The following GLRB variants were observed in gnomAD, a reference collection of about 807,000 sequenced individuals.
The protein encoded by GLRB is glycine receptor beta, also known as glycine receptor subunit beta.
GLRB carries 33 observed loss-of-function variants against 54.2 expected under a neutral mutation model. The ratio of observed to expected loss-of-function variants is 0.61; its 90% CI spans 0.46 to 0.81. The LOEUF (loss-of-function observed/expected upper bound fraction) is 0.81, where lower values mean the gene tolerates loss of function less well. Ranked by LOEUF, GLRB falls within the 40% of genes least tolerant of loss-of-function variation. GLRB has a pLI of 0.00. For synonymous variants in GLRB, 209 were observed against 208.2 expected, an observed-to-expected ratio of 1.00 and a Z score of -0.03; for missense variants, 572 against 584.6, an observed-to-expected ratio of 0.98 and a Z score of 0.22.
intron 7 of GLRB, among the ~76,000 whole-genome samples, chr4:157,143,158 C>G (rs1484423434): frequency 6.6e-6 from 1 of 151,986 alleles, no homozygotes; most frequent in Non-Finnish European, 1.5e-5. Flanking sequence ...AGTTGGAGTA[C>G]CTTTGAGAGC....
At chr4:157,083,977 T>C (rs946245972) in intron 2 of GLRB, among the ~76,000 whole-genome samples, 1 of 152,126 alleles carries the variant, frequency 6.6e-6, no homozygotes, top group Non-Finnish European at 1.5e-5. Flanking sequence ...ATCTAATAAA[T>C]GCCTGCCATA....
At position 157,170,484 on chromosome 4, in the gene GLRB, C is replaced by G. The variant is rs749146557; in HGVS notation, c.1250C>G (p.Ser417Cys). 6.2e-7 allele frequency: 1 copy of G among 1,608,480 alleles called. No homozygotes were observed. Among genetic ancestry groups the G allele is most frequent in the South Asian group, 1.1e-5 (1 of 90,918 alleles). Reference protein sequence around the residue: ...KVCTSKSDLRSNDFSIVGSLP... With the variant: ...KVCTSKSDLRCNDFSIVGSLP... ...TGTACTTCTAAGTCTGATCTGAGATCTAATGACTTCAGCATTGTTGGAAGC... is the reference window on the plus strand; with the variant it reads ...TGTACTTCTAAGTCTGATCTGAGATGTAATGACTTCAGCATTGTTGGAAGC... The change falls in exon 10 of 10, where the codon TCT becomes TGT. Residue 417 changes from serine to cysteine, a missense_variant. Physicochemically the swap from Ser to Cys is moderately radical, Grantham distance 112. Coordinates refer to ENST00000264428, the MANE Select transcript of GLRB (RefSeq NM_000824.5).
Position 157,136,474 on chromosome 4 carries a change from T to C in GLRB, c.303T>C (p.Tyr101=). 1 of 1,578,206 alleles carries C rather than the reference T, an allele frequency of 6.3e-7. No individual in the cohort carries two copies. The highest frequency in any genetic ancestry group is 1.1e-5 in the South Asian group (1 of 90,366). The change falls in exon 5 of 10, where the codon TAT becomes TAC. Residue 101 remains tyrosine, a synonymous_variant. Transcript: ENST00000264428. ...FGSIQETTMD[Y]RVNIFLRQKW... Reference sequence around the variant, plus strand: ...CGCATGTACTTTTTCTTCAGGACTATAGAGTTAACATCTTCCTGAGACAAA... The same window carrying C: ...CGCATGTACTTTTTCTTCAGGACTACAGAGTTAACATCTTCCTGAGACAAA...
Position 157,143,951 on chromosome 4 carries a change from T to G in GLRB, c.896T>G (p.Val299Gly). ...AACCCGGACGCGAGTGCTGCCAGAG[T>G]GCCCCTGGGTAAGGTGTTCCATGCT... ...WINPDASAAR[V>G]PLGIFSVLSL... The change falls in exon 8 of 10, where the codon GTG becomes GGG. Residue 299 changes from valine to glycine, a missense_variant. Coordinates refer to ENST00000264428, the MANE Select transcript of GLRB (RefSeq NM_000824.5). The G allele has an allele frequency of 6.2e-7, 1 of 1,613,962 alleles. No individual in the cohort carries two copies. Among genetic ancestry groups the G allele is most frequent in the African/African-American group, 1.3e-5 (1 of 75,034 alleles).
chr4:157,102,709 T>A (rs1735077068), intron 2 of GLRB, among the ~76,000 whole-genome samples: 1 of 152,174 alleles, frequency 6.6e-6, no homozygotes, highest in Non-Finnish European at 1.5e-5. Context: ...GAATTTATGC[T>A]GAACAGGTTG....
At chr4:157,146,832 C>G (rs954626801) in intron 8 of GLRB, among the ~76,000 whole-genome samples, 1 of 148,580 alleles carries the variant, frequency 6.7e-6, no homozygotes, top group Non-Finnish European at 1.5e-5. Context: ...CACCTCCCCC[C>G]GCAAAAAAAA....
chr4:157,108,153 C>T (rs374483671), intron 2 of GLRB, among the ~76,000 whole-genome samples: 10 of 152,062 alleles, frequency 6.6e-5, no homozygotes, highest in African/African-American at 1.4e-4. Context: ...AGAGCTCTGA[C>T]GGAGATGTAT....
At chr4:157,160,452 T>A (rs1047849056) in intron 9 of GLRB, among the ~76,000 whole-genome samples, 2 of 152,170 alleles carry the variant, frequency 1.3e-5, no homozygotes, top group Non-Finnish European at 1.5e-5. Flanking sequence ...TCTTCCTGCT[T>A]TATCTTGTGG....
chr4:157,160,718 C>A (rs1409175189), intron 9 of GLRB, among the ~76,000 whole-genome samples: 1 of 151,864 alleles, frequency 6.6e-6, no homozygotes, highest in African/African-American at 2.4e-5. Context: ...AATTTCTGTT[C>A]TTTTACATTT....
At chr4:157,162,492 T>C (rs1240989192) in intron 9 of GLRB, among the ~76,000 whole-genome samples, 2 of 152,246 alleles carry the variant, frequency 1.3e-5, no homozygotes, top group Admixed American at 1.3e-4. Flanking sequence ...TGTTCTTTGA[T>C]GATGGTGACA....
At chr4:157,155,591 G>A (rs534754377) in intron 9 of GLRB, among the ~76,000 whole-genome samples, 8 of 152,224 alleles carry the variant, frequency 5.3e-5, no homozygotes, top group East Asian at 1.9e-4. Context: ...TTCTTTTAGC[G>A]CCTAAAAAGT....
In GLRB at chr4:157,089,010, G is replaced by T. The variant is rs575960854; in HGVS notation, c.122+10864G>T. On this transcript the variant is annotated intron_variant, in intron 2 of 9. Coordinates refer to ENST00000264428, the MANE Select transcript of GLRB (RefSeq NM_000824.5). Reference sequence around the variant, plus strand: ...CCTTGAATTTCCTTAAATTACAAAAGATGTGCAACATTATTACAACAAATG... The same window carrying T: ...CCTTGAATTTCCTTAAATTACAAAATATGTGCAACATTATTACAACAAATG... 2.8e-4 allele frequency among the ~76,000 whole-genome samples: 42 copies of T among 152,222 alleles called. 1 individual carries two copies. In the South Asian group the frequency reaches 8.7e-3, roughly 32 times the overall value.
intron 2 of GLRB, among the ~76,000 whole-genome samples, chr4:157,118,112 ACAGC>A (rs774393092): frequency 2.6e-5 from 4 of 151,668 alleles, no homozygotes; most frequent in Non-Finnish European, 4.4e-5. Flanking sequence ...TTTGACTGAC[ACAGC>A]CTACAGCTAG....
At chr4:157,142,340 G>A (rs1167092153) in intron 7 of GLRB, among the ~76,000 whole-genome samples, 1 of 152,012 alleles carries the variant, frequency 6.6e-6, no homozygotes, top group African/African-American at 2.4e-5. Flanking sequence ...AGAAACACTT[G>A]CATTTCTTGT....
Position 157,143,792 on chromosome 4 carries a change from G to A in GLRB, c.752-15G>A, listed in dbSNP as rs1297406909. The A allele has an allele frequency of 1.9e-6, 3 of 1,610,816 alleles. No individual in the cohort carries two copies. Among genetic ancestry groups the A allele is most frequent in the Non-Finnish European group, 2.5e-6 (3 of 1,178,886 alleles). On this transcript the variant is annotated splice_polypyrimidine_tract_variant and intron_variant, in intron 7 of 9. Transcript: ENST00000264428. Reference sequence around the variant, plus strand: ...GGTGAAAACCTCATGCCTTGAATGTGTTTGCTTCTGAAAGGCTACTACACA... The same window carrying A: ...GGTGAAAACCTCATGCCTTGAATGTATTTGCTTCTGAAAGGCTACTACACA...
chr4:157,127,718 G>C (rs1175882106), intron 4 of GLRB, among the ~76,000 whole-genome samples: 1 of 151,808 alleles, frequency 6.6e-6, no homozygotes, highest in Non-Finnish European at 1.5e-5. Flanking sequence ...CAGTTGTCAT[G>C]CAAGGAAGGG....
At chr4:157,092,947 T>C (rs750308118) in intron 2 of GLRB, among the ~76,000 whole-genome samples, 53 of 152,208 alleles carry the variant, frequency 3.5e-4, no homozygotes, top group Admixed American at 7.9e-4. Flanking sequence ...TACCGCTAGC[T>C]AGTGGCAGAT....
chr4:157,122,104 A>G (rs1008373911), intron 3 of GLRB, among the ~76,000 whole-genome samples: 1 of 150,826 alleles, frequency 6.6e-6, no homozygotes, highest in Non-Finnish European at 1.5e-5. Context: ...AAAAAAAAAA[A>G]CATTATAAAA....
chr4:157,116,583 A>G (rs1735616163), intron 2 of GLRB, among the ~76,000 whole-genome samples: 2 of 151,786 alleles, frequency 1.3e-5, no homozygotes. Context: ...ATATAGTAAC[A>G]TACAGACAAG....
Sources: allele counts gnomAD v4.1 joint callset (sites outside exome capture counted in the v4.1 genomes callset), GRCh38; gene constraint gnomAD v4.1.1; transcripts MANE v1.5; gene names NCBI Gene and HGNC (gene_info 2026-07-23, HGNC 2026-07-21).